The following MALRD1 variants were observed in gnomAD, a reference collection of about 807,000 sequenced individuals.
The protein encoded by MALRD1 is MAM and LDL receptor class A domain containing 1, also known as MAM and LDL-receptor class A domain-containing protein 1.
Under a neutral mutation model 242.1 loss-of-function variants are expected in MALRD1, and 247 were observed. The observed-to-expected ratio is 1.02, with a 90% CI of 0.92 to 1.13. The LOEUF is 1.13. MALRD1 is among the 50% of genes most tolerant of loss of function. MALRD1 has a pLI of 0.00. For synonymous variants in MALRD1, 995 were observed against 866.6 expected (o/e 1.15, Z -2.60); for missense variants, 2,989 against 2,533.1 (o/e 1.18, Z -3.86).
At chr10:19,273,369 T>C (rs1840350211) in intron 19 of MALRD1, among the ~76,000 whole-genome samples, 1 of 152,186 alleles carries the variant, frequency 6.6e-6, no homozygotes, top group Admixed American at 6.5e-5. Flanking sequence ...TACCATGTCA[T>C]CCAGCAATCA....
chr10:19,413,248 G>A (rs1260524233), intron 28 of MALRD1, among the ~76,000 whole-genome samples: 3 of 152,080 alleles, frequency 2.0e-5, no homozygotes, highest in Non-Finnish European at 2.9e-5. Context: ...TTGAGATTGA[G>A]GCACTATTAA....
chr10:19,230,703 G>GGA (rs1838014178), intron 18 of MALRD1, among the ~76,000 whole-genome samples: 1 of 152,082 alleles, frequency 6.6e-6, no homozygotes, highest in Non-Finnish European at 1.5e-5. Flanking sequence ...CTGGGAAAAG[G>GGA]GAGAGAGTTA....
At chr10:19,119,545 CG>C (rs1397575182) in intron 5 of MALRD1, among the ~76,000 whole-genome samples, 1 of 152,056 alleles carries the variant, frequency 6.6e-6, no homozygotes, top group Non-Finnish European at 1.5e-5. Context: ...TGTGCTCAGT[CG>C]GTTCCTGGGT....
intron 14 of MALRD1, among the ~76,000 whole-genome samples, chr10:19,199,822 T>A (rs1441934477): frequency 4.0e-5 from 6 of 151,014 alleles, no homozygotes; most frequent in African/African-American, 1.5e-4. Flanking sequence ...ATAAATAAAA[T>A]AAAATAAAAT....
chr10:19,668,949 C>G (rs185514435), intron 36 of MALRD1, among the ~76,000 whole-genome samples: 2 of 152,304 alleles, frequency 1.3e-5, no homozygotes, highest in Admixed American at 1.3e-4. Flanking sequence ...GTGAAGGCCT[C>G]TAACTTCCAG....
chr10:19,317,173 A>T (rs1353058916), intron 21 of MALRD1, among the ~76,000 whole-genome samples: 2 of 151,912 alleles, frequency 1.3e-5, no homozygotes, highest in African/African-American at 2.4e-5. Context: ...AACAACAAAC[A>T]TATATTTCTC....
intron 31 of MALRD1, among the ~76,000 whole-genome samples, chr10:19,512,349 A>G (rs561512734): frequency 3.9e-5 from 6 of 152,314 alleles, no homozygotes; most frequent in Non-Finnish European, 7.3e-5. Context: ...AGATTTCATA[A>G]TTGGTGCTTT....
At chr10:19,425,730 T>C (rs1833880440) in intron 28 of MALRD1, among the ~76,000 whole-genome samples, 1 of 152,166 alleles carries the variant, frequency 6.6e-6, no homozygotes, top group Admixed American at 6.5e-5. Context: ...CGCGTTTGAC[T>C]CCATTTCTTG....
intron 36 of MALRD1, among the ~76,000 whole-genome samples, chr10:19,658,858 G>A (rs1290173461): frequency 6.6e-6 from 1 of 152,088 alleles, no homozygotes. Context: ...TCAGACAATA[G>A]TCATTGCTGC....
At chr10:19,151,108 C>G (rs778375222) in intron 11 of MALRD1, among the ~76,000 whole-genome samples, 2 of 152,090 alleles carry the variant, frequency 1.3e-5, no homozygotes, top group Non-Finnish European at 2.9e-5. Flanking sequence ...TTATAATTCT[C>G]TATAAAAATT....
chr10:19,367,316 T>C (rs1227809694), intron 26 of MALRD1, among the ~76,000 whole-genome samples: 1 of 152,142 alleles, frequency 6.6e-6, no homozygotes, highest in Non-Finnish European at 1.5e-5. Flanking sequence ...TGTTTACTTC[T>C]AGGCGATCAA....
chr10:19,370,300 T>C (rs1845318965), intron 26 of MALRD1, among the ~76,000 whole-genome samples: 2 of 152,186 alleles, frequency 1.3e-5, no homozygotes. Flanking sequence ...TTATTAAATC[T>C]GTTAATCTGG....
intron 21 of MALRD1, among the ~76,000 whole-genome samples, chr10:19,303,673 T>C (rs755860837): frequency 6.6e-6 from 1 of 151,762 alleles, no homozygotes; most frequent in Non-Finnish European, 1.5e-5. Context: ...ATACATTAAC[T>C]TATTTTCATT....
At chr10:19,105,037 A>C (rs1366400206) in intron 5 of MALRD1, among the ~76,000 whole-genome samples, 1 of 152,052 alleles carries the variant, frequency 6.6e-6, no homozygotes, top group Non-Finnish European at 1.5e-5. Context: ...GAACATTTGA[A>C]ATTCTCTCTA....
intron 36 of MALRD1, among the ~76,000 whole-genome samples, chr10:19,687,252 A>G (rs979285384): frequency 1.3e-5 from 2 of 152,238 alleles, no homozygotes; most frequent in Non-Finnish European, 2.9e-5. Flanking sequence ...GGGCAGAATC[A>G]TATTTGCATT....
chr10:19,124,365 C>G (rs1028834729), intron 6 of MALRD1, among the ~76,000 whole-genome samples, 159 bp from the exon 7 acceptor site: 2 of 152,144 alleles, frequency 1.3e-5, no homozygotes, highest in African/African-American at 4.8e-5. Context: ...GTTGCTGGTA[C>G]ACTCGAAGGC....
intron 22 of MALRD1, among the ~76,000 whole-genome samples, chr10:19,327,166 A>C (rs1843168132): frequency 6.6e-6 from 1 of 152,120 alleles, no homozygotes; most frequent in Admixed American, 6.6e-5. Context: ...ATCTAATGAG[A>C]AAGATCATTC....
At chr10:19,605,603 CTT>C (rs1461130077) in intron 34 of MALRD1, among the ~76,000 whole-genome samples, 2 of 150,324 alleles carry the variant, frequency 1.3e-5, no homozygotes, top group Non-Finnish European at 3.0e-5. Context: ...CATCTGTAGA[CTT>C]TATTCCTACT....
At chr10:19,265,151 A>T (rs961173470) in intron 19 of MALRD1, among the ~76,000 whole-genome samples, 2 of 151,650 alleles carry the variant, frequency 1.3e-5, no homozygotes, top group African/African-American at 2.4e-5. Flanking sequence ...AATGGTTGTT[A>T]ATTTTATCTT....
Sources: allele counts gnomAD v4.1 joint callset (sites outside exome capture counted in the v4.1 genomes callset), GRCh38; gene constraint gnomAD v4.1.1; transcripts MANE v1.5; gene names NCBI Gene and HGNC (gene_info 2026-07-23, HGNC 2026-07-21).